Variants in CCL18 observed in about 807,000 individuals in gnomAD.
CCL18 encodes the protein C-C motif chemokine 18.
Under a neutral mutation model 8.0 loss-of-function variants are expected in CCL18, and 7 were observed. The observed-to-expected ratio is 0.87, with a 90% confidence interval of 0.50 to 1.64. CCL18 has a LOEUF of 1.64. Among genes scored for constraint, CCL18 ranks in the 40% most tolerant of loss-of-function variants. The pLI is 0.00. For synonymous variants in CCL18, 35 were observed against 41.3 expected, an observed-to-expected ratio of 0.85 and a Z score of 0.59; for missense variants, 95 against 107.8, an observed-to-expected ratio of 0.88 and a Z score of 0.52.
At chr17:36,067,138 G>C (rs979953610) in intron 1 of CCL18, among the ~76,000 whole-genome samples, 7 of 152,192 alleles carry the variant, frequency 4.6e-5, no homozygotes, top group Non-Finnish European at 8.8e-5. Context: ...GGAATGACAA[G>C]AATGATGGGG....
At chr17:36,070,390 G>T in intron 1 of CCL18, 57 bp from the exon 2 acceptor site, 3 of 1,022,698 alleles carry the variant, frequency 2.9e-6, no homozygotes, top group Non-Finnish European at 4.7e-6. Context: ...GGGACCAGGA[G>T]CAGCTGGCTT....
At chr17:36,064,928 A>T (rs781479294) in intron 1 of CCL18, among the ~76,000 whole-genome samples, 8 of 152,332 alleles carry the variant, frequency 5.3e-5, no homozygotes, top group Non-Finnish European at 1.0e-4. Flanking sequence ...AGAAACAAAC[A>T]AAAAGCCAGA....
At chr17:36,070,103 C>T (rs1598793661) in intron 1 of CCL18, among the ~76,000 whole-genome samples, 1 of 152,142 alleles carries the variant, frequency 6.6e-6, no homozygotes, top group East Asian at 1.9e-4. Context: ...CCAATTGGTT[C>T]TCAGTGGTGT....
At chr17:36,068,940 G>A (rs2066850987) in intron 1 of CCL18, among the ~76,000 whole-genome samples, 1 of 152,038 alleles carries the variant, frequency 6.6e-6, no homozygotes, top group South Asian at 2.1e-4. Context: ...GCTCACTGTA[G>A]GCTTGACTTT....
intron 1 of CCL18, among the ~76,000 whole-genome samples, chr17:36,069,690 G>A (rs534900641): frequency 8.5e-5 from 13 of 152,310 alleles, no homozygotes; most frequent in Admixed American, 3.3e-4. Context: ...ACCCCAGAAG[G>A]AGGCAGCGGC....
At position 36,070,868 on chromosome 17, in the gene CCL18, G is replaced by T; in HGVS notation, c.180-83G>T. 3.8e-6 allele frequency: 4 copies of T among 1,042,154 alleles called. No homozygotes were observed. In the Admixed American group the frequency reaches 6.8e-5, roughly 18 times the overall value. The allele number at this position is 1,042,154 out of a possible 1,614,324, so 64.6% of individuals were successfully genotyped here. ...CGGGCACGAGGACAGGCCCTGAGAT[G>T]CCTGGGACAGAGAAGGACGCAGGGG... On this transcript the variant is annotated intron_variant, in intron 2 of 2. Transcript: ENST00000616054.
intron 2 of CCL18, 103 bp from the exon 3 acceptor site, chr17:36,070,848 A>G: frequency 1.1e-6 from 1 of 897,484 alleles, no homozygotes; most frequent in Non-Finnish European, 1.9e-6. Flanking sequence ...TTTTACGGGC[A>G]CGAGGACAGG....
chr17:36,066,840 T>C (rs1367205513), intron 1 of CCL18, among the ~76,000 whole-genome samples: 1 of 152,216 alleles, frequency 6.6e-6, no homozygotes, highest in Non-Finnish European at 1.5e-5. Flanking sequence ...AAAAGGACCA[T>C]TACATCGTGT....
At position 36,066,995 on chromosome 17, in the gene CCL18, A is replaced by T. The variant is rs912038898; in HGVS notation, c.67+2586A>T. Among the ~76,000 whole-genome samples, 3 of 152,248 alleles carry T rather than the reference A, an allele frequency of 2.0e-5. No individual in the cohort carries two copies. The East Asian group carries it at 5.8e-4, about 29-fold the overall frequency. The stretch of plus-strand genomic sequence containing the variant: ...CCATGGTCATTTCCTCCTATGGAAC[A>T]GATATTTCTAGTGTTGTGTTTCCAT... On this transcript the variant is annotated intron_variant, in intron 1 of 2. Coordinates refer to ENST00000616054, the MANE Select transcript of CCL18 (RefSeq NM_002988.4).
rs1424816412 is a variant in CCL18, at chr17:36,069,415, A to T, written c.68-1032A>T. On this transcript the variant is annotated intron_variant, in intron 1 of 2. Coordinates refer to ENST00000616054, the MANE Select transcript of CCL18 (RefSeq NM_002988.4). ...TCTCCTGGTTTGTGCAATGCACAGC[A>T]TGACACCAGTATCATGATTAAAAAA... is the stretch of plus-strand genomic sequence containing the variant. Among the ~76,000 whole-genome samples, 4 of 152,216 alleles carry T rather than the reference A, an allele frequency of 2.6e-5. No individual in the cohort carries two copies. In the East Asian group the frequency reaches 7.7e-4, roughly 29 times the overall value.
At chr17:36,070,213 G>A (rs916168857) in intron 1 of CCL18, among the ~76,000 whole-genome samples, 2 of 152,172 alleles carry the variant, frequency 1.3e-5, no homozygotes, top group Non-Finnish European at 2.9e-5. Flanking sequence ...AAGAGACATA[G>A]AGACCCAGAA....
chr17:36,070,530 A>G lies in CCL18; in HGVS notation c.151A>G (p.Ser51Gly). The stretch of plus-strand genomic sequence containing the variant: ...GTTCATAGTTGACTATTCTGAAACC[A>G]GCCCCCAGTGCCCCAAGCCAGGTGT... ...QKFIVDYSET[S>G]PQCPKPGVIL... Residue 51 changes from serine to glycine, a missense_variant, in exon 2 of 3, where the codon AGC (serine) becomes GGC (glycine). Physicochemically the swap from Ser to Gly is moderately conservative, Grantham distance 56 (BLOSUM62 0). Coordinates refer to ENST00000616054, the MANE Select transcript of CCL18 (RefSeq NM_002988.4). 1 of 1,613,294 alleles carries G rather than the reference A, an allele frequency of 6.2e-7. No individual in the cohort carries two copies. The highest frequency in any genetic ancestry group is 1.1e-5 in the South Asian group (1 of 91,064).
intron 1 of CCL18, among the ~76,000 whole-genome samples, chr17:36,066,891 G>A (rs757437037): frequency 1.3e-4 from 20 of 152,226 alleles, no homozygotes; most frequent in Non-Finnish European, 2.5e-4. Context: ...TCATGAGGAG[G>A]ACGTCAAGAA....
intron 1 of CCL18, among the ~76,000 whole-genome samples, chr17:36,067,379 G>T (rs2066842994): frequency 6.6e-6 from 1 of 152,020 alleles, no homozygotes; most frequent in African/African-American, 2.4e-5. Flanking sequence ...ACAGATGTTT[G>T]GCACAACTTA....
chr17:36,070,274 A>C, intron 1 of CCL18, 173 bp from the exon 2 acceptor site: 1 of 531,412 alleles, frequency 1.9e-6, no homozygotes, highest in Non-Finnish European at 3.3e-6. Context: ...CAGAAATTAA[A>C]ATGTCAGGGA....
At chr17:36,070,065 G>A (rs2066857416) in intron 1 of CCL18, among the ~76,000 whole-genome samples, 1 of 152,110 alleles carries the variant, frequency 6.6e-6, no homozygotes, top group Non-Finnish European at 1.5e-5. Flanking sequence ...AGGCCCACGG[G>A]GATTTTGACA....
rs1030207254 is a variant in CCL18, at chr17:36,070,424, T to C, written c.68-23T>C. The stretch of plus-strand genomic sequence containing the variant: ...TTGCCTTGTGAACAATGACTTGGGA[T>C]CTTTCTGTCCTGTCTCTTGCAGTTG... On this transcript the variant is annotated intron_variant, in intron 1 of 2. Coordinates refer to ENST00000616054, the MANE Select transcript of CCL18 (RefSeq NM_002988.4). 4 of 1,432,202 alleles carry C rather than the reference T, an allele frequency of 2.8e-6. No individual in the cohort carries two copies. In the African/African-American group the frequency reaches 4.2e-5, roughly 15 times the overall value. The allele number at this position is 1,432,202 out of a possible 1,614,324, so 88.7% of individuals were successfully genotyped here. A position where few individuals can be genotyped will look rare whatever the true frequency, so the allele number is the denominator to read the frequency against.
chr17:36,067,205 C>T (rs183961706), intron 1 of CCL18, among the ~76,000 whole-genome samples: 10 of 152,204 alleles, frequency 6.6e-5, no homozygotes, highest in Non-Finnish European at 1.0e-4. Flanking sequence ...TACAATATGC[C>T]ATCATTGGGT....
rs1214505831 is a variant in CCL18, at chr17:36,064,280, G to A, written c.-63G>A. 3 of 1,251,176 alleles carry A rather than the reference G, an allele frequency of 2.4e-6. No individual in the cohort carries two copies. The highest frequency in any genetic ancestry group is 3.0e-5 in the African/African-American group (2 of 67,768). 77.5% of individuals were successfully genotyped at this position (1,251,176 alleles called of 1,614,324 possible). A position where few individuals can be genotyped will look rare whatever the true frequency, so the allele number is the denominator to read the frequency against. On this transcript the variant is annotated 5_prime_UTR_variant, in exon 1 of 3. Coordinates refer to ENST00000616054, the MANE Select transcript of CCL18 (RefSeq NM_002988.4). ...ACAACAGCTCATACCCCAGAAGGAG[G>A]CCAGGAGTTGTGAGTTTCCAAGCCC...
Sources: gnomAD v4.1 joint callset for allele counts (sites outside exome capture counted in the v4.1 genomes callset) on GRCh38, gnomAD v4.1.1 for gene constraint, MANE v1.5 for transcripts, NCBI Gene and HGNC (gene_info 2026-07-23, HGNC 2026-07-21) for gene names.